The following COL6A1 variants were observed in gnomAD, a reference collection of about 807,000 sequenced individuals.
COL6A1 encodes the protein collagen alpha-1(VI) chain.
COL6A1 carries 80 observed loss-of-function variants against 145.6 expected under a neutral mutation model. The ratio of observed to expected loss-of-function variants is 0.55; its 90% confidence interval spans 0.46 to 0.66. The LOEUF is 0.66. COL6A1 is among the 30% of genes least tolerant of loss of function. The probability of loss-of-function intolerance (pLI) is 0.00; values close to 1 mark genes in which losing one functional copy is unlikely to be tolerated. For synonymous variants in COL6A1, 638 were observed against 622.8 expected (o/e 1.02, Z -0.36); for missense variants, 1,364 against 1,473.8 (o/e 0.93, Z 1.22).
At chr21:45,997,636 C>T in intron 21 of COL6A1, 64 bp from the exon 22 acceptor site, 5 of 1,551,440 alleles carry the variant, frequency 3.2e-6, no homozygotes, top group Non-Finnish European at 3.5e-6. Flanking sequence ...CCCAGGAGGG[C>T]CCTGCTTCCC....
Position 45,990,838 on chromosome 21 carries a change from C to T in COL6A1, c.1056+12C>T, listed in dbSNP as rs987360809. 2.5e-6 allele frequency: 4 copies of T among 1,613,218 alleles called. No individual in the cohort carries two copies. Among genetic ancestry groups the T allele is most frequent in the Middle Eastern group, 1.7e-4 (1 of 5,812 alleles). On this transcript the variant is annotated intron_variant, in intron 14 of 34. Coordinates refer to ENST00000361866, the MANE Select transcript of COL6A1 (RefSeq NM_001848.3). Reference sequence around the variant, plus strand: ...CGCCCGGGTTTGACGTAAGTCACTTCCTCTCACTGATACTTTAAAACTAGC... The same window carrying T: ...CGCCCGGGTTTGACGTAAGTCACTTTCTCTCACTGATACTTTAAAACTAGC...
rs372483312 is a variant in COL6A1, at chr21:45,992,231, C to T, written c.1236+14C>T. ...GCGGGCGACGAGGTGAGTGAGGGCT[C>T]CTGACACCTTCCTGGGGAAGTGCAT... On this transcript the variant is annotated intron_variant, in intron 17 of 34. Transcript: ENST00000361866. 8.6e-5 allele frequency: 139 copies of T among 1,613,496 alleles called. No individual in the cohort carries two copies. The highest frequency in any genetic ancestry group is 1.1e-4 in the Non-Finnish European group (130 of 1,179,982).
In COL6A1 at chr21:45,983,801, G is replaced by A. The variant is rs542769561; in HGVS notation, c.228-468G>A. On this transcript the variant is annotated intron_variant, in intron 2 of 34. Transcript: ENST00000361866. ...AATGGGGCGGAGTCATCCCCATGTCGCTGCCACTGGATTCCTGCAGGCGCC... is the reference window on the plus strand; with the variant it reads ...AATGGGGCGGAGTCATCCCCATGTCACTGCCACTGGATTCCTGCAGGCGCC... Among the ~76,000 whole-genome samples, 1,433 of 145,612 alleles carry A rather than the reference G, an allele frequency of 9.8e-3. 13 individuals are homozygous for A. Among genetic ancestry groups the A allele is most frequent in the Non-Finnish European group, 0.015 (1,015 of 67,142 alleles).
Position 46,003,168 on chromosome 21 carries a change from G to A in COL6A1, c.2464+19G>A, listed in dbSNP as rs200297915. 1.3e-4 allele frequency: 202 copies of A among 1,613,856 alleles called. 1 individual carries two copies. The highest frequency in any genetic ancestry group is 1.1e-4 in the Non-Finnish European group (128 of 1,179,958). ...TGCCCCAGTGAGTACCTCGGCGGCC[G>A]GGACACGTGGGGAGGAGGGCACCGT... On this transcript the variant is annotated intron_variant, in intron 34 of 34. Coordinates refer to ENST00000361866, the MANE Select transcript of COL6A1 (RefSeq NM_001848.3).
In COL6A1 at chr21:46,002,061, A is replaced by C. The variant is rs763093155; in HGVS notation, c.2057A>C (p.Glu686Ala). Residue 686 changes from glutamate to alanine, a missense_variant, in exon 31 of 35, where the codon GAG becomes GCG. Transcript: ENST00000361866. Reference sequence around the variant, plus strand: ...AGCCCCAGCATCCGGAACGTGCAGGAGCTCAAGGAGTGAGTGCCCCACGCG... The same window carrying C: ...AGCCCCAGCATCCGGAACGTGCAGGCGCTCAAGGAGTGAGTGCCCCACGCG... ...LRSPSIRNVQ[E>A]LKEAIKSLQW... 6.2e-7 allele frequency: 1 copy of C among 1,611,258 alleles called. No individual in the cohort carries two copies. Among genetic ancestry groups the C allele is most frequent in the Non-Finnish European group, 8.5e-7 (1 of 1,179,500 alleles).
At position 46,003,876 on chromosome 21, in the gene COL6A1, C is replaced by T. The variant is rs568039462; in HGVS notation, c.2950C>T (p.Arg984Cys). The T allele has an allele frequency of 5.9e-5, 95 of 1,601,132 alleles. No homozygotes were observed. Among genetic ancestry groups the T allele is most frequent in the Middle Eastern group, 1.7e-4 (1 of 6,012 alleles). The stretch of plus-strand genomic sequence containing the variant: ...CCGCCAGGTGAATGAGCCCCACATC[C>T]GCGTCCTGGTCACCGGCAAGACGGC... ...VGRQVNEPHIRVLVTGKTAEY... is the reference protein window; with the variant it reads ...VGRQVNEPHICVLVTGKTAEY... The change falls in exon 35 of 35, where the codon CGC becomes TGC. Residue 984 changes from arginine to cysteine, a missense_variant. Physicochemically the swap from Arg to Cys is radical, Grantham distance 180. This residue lies in a region of COL6A1 where 938 missense variants were observed against 1,003.8 expected (regional missense o/e 0.93). Transcript: ENST00000361866.
chr21:46,000,315 G>A lies in COL6A1; in HGVS notation c.1777-16G>A, dbSNP rs199838622. 6.1e-5 allele frequency: 98 copies of A among 1,613,872 alleles called. No individual in the cohort carries two copies. The highest frequency in any genetic ancestry group is 9.9e-5 in the South Asian group (9 of 91,080). The stretch of plus-strand genomic sequence containing the variant: ...GGCTGTCTATGGCCCCAGTACCCTC[G>A]TCTCTCCCTCCCCAGGAATGCGAGA... On this transcript the variant is annotated splice_polypyrimidine_tract_variant and intron_variant, in intron 27 of 34. Coordinates refer to ENST00000361866, the MANE Select transcript of COL6A1 (RefSeq NM_001848.3).
chr21:45,984,310 C>A lies in COL6A1; in HGVS notation c.269C>A (p.Ala90Glu). 1 of 1,611,596 alleles carries A rather than the reference C, an allele frequency of 6.2e-7. No individual in the cohort carries two copies. Among genetic ancestry groups the A allele is most frequent in the Non-Finnish European group, 8.5e-7 (1 of 1,179,478 alleles). The change falls in exon 3 of 35, where the codon GCG (alanine) becomes GAG (glutamate). Residue 90 changes from alanine (A) to glutamate (E), a missense_variant. Around this residue, in one of 3 missense-constraint regions of COL6A1, gnomAD observed 414 missense variants for 437.6 expected, o/e 0.95. Transcript: ENST00000361866. ...CDRNLVWNAGALHYSDEVEII... is the reference protein window; with the variant it reads ...CDRNLVWNAGELHYSDEVEII... ...CGAAACCTGGTGTGGAACGCAGGCG[C>A]GCTGCACTACAGTGACGAGGTGGAG...
rs748153811 is a variant in COL6A1, at chr21:45,987,510, C to T, written c.750C>T (p.Phe250=). 1.8e-5 allele frequency: 29 copies of T among 1,613,048 alleles called. No individual in the cohort carries two copies. The highest frequency in any genetic ancestry group is 1.7e-4 in the Middle Eastern group (1 of 6,060). Residue 250 remains phenylalanine, a synonymous_variant, in exon 7 of 35, where the codon TTC becomes TTT. Coordinates refer to ENST00000361866, the MANE Select transcript of COL6A1 (RefSeq NM_001848.3). ...KNNVEQVCCS[F]ECQPARGPPG... ...CTTTCCCCCCACAGTGCTGCTCCTT[C>T]GAATGCCAGGTGAGTGTGCCCCCCG...
rs374463348 is a variant in COL6A1 at position 46,000,607 on chromosome 21, C to T, written c.1814-152C>T. 6.8e-4 allele frequency: 894 copies of T among 1,308,186 alleles called. 8 individuals are homozygous for T. In the East Asian group the frequency reaches 0.02, roughly 29 times the overall value. The allele number at this position is 1,308,186 out of a possible 1,614,324, so 81.0% of individuals were successfully genotyped here. ...CACGTGGGGAGGGCGGCCGGGGAGG[C>T]GGGGAGGCGGGGCAGGAGGCCGGGG... On this transcript the variant is annotated intron_variant, in intron 28 of 34. Transcript: ENST00000361866.
At chr21:45,991,737 G>C (rs927551445) in intron 15 of COL6A1, among the ~76,000 whole-genome samples, 1 of 152,230 alleles carries the variant, frequency 6.6e-6, no homozygotes, top group Non-Finnish European at 1.5e-5. Flanking sequence ...TGCCAGCCTG[G>C]CAAAGCTGTG....
In COL6A1 at chr21:45,984,326, C is replaced by G. The variant is rs145811554; in HGVS notation, c.285C>G (p.Asp95Glu). ...ACGCAGGCGCGCTGCACTACAGTGACGAGGTGGAGATCATCCAAGGCCTCA... is the reference window on the plus strand; with the variant it reads ...ACGCAGGCGCGCTGCACTACAGTGAGGAGGTGGAGATCATCCAAGGCCTCA... ...VWNAGALHYS[D>E]EVEIIQGLTR... The change falls in exon 3 of 35, where the codon GAC becomes GAG. Residue 95 changes from aspartate to glutamate, a missense_variant. This residue lies in a region of COL6A1 where 414 missense variants were observed against 437.6 expected (regional missense o/e 0.95). Coordinates refer to ENST00000361866, the MANE Select transcript of COL6A1 (RefSeq NM_001848.3). 1.9e-5 allele frequency: 30 copies of G among 1,612,078 alleles called. No individual in the cohort carries two copies. The highest frequency in any genetic ancestry group is 1.8e-4 in the Admixed American group (11 of 59,938).
chr21:45,998,259 G>C, intron 23 of COL6A1, 88 bp downstream of exon 23: 1 of 1,581,750 alleles, frequency 6.3e-7, no homozygotes, highest in Non-Finnish European at 8.6e-7. Flanking sequence ...TGGGTGGGCG[G>C]GCTGGCCCCA....
intron 19 of COL6A1, among the ~76,000 whole-genome samples, chr21:45,993,127 C>A (rs902679827): frequency 6.6e-6 from 1 of 152,242 alleles, no homozygotes; most frequent in Non-Finnish European, 1.5e-5. Flanking sequence ...AAATTCCCAG[C>A]GTGAGGAAGT....
chr21:45,987,329 T>C (rs1569517921), intron 6 of COL6A1, 154 bp downstream of exon 6: 24 of 1,462,768 alleles, frequency 1.6e-5, no homozygotes, highest in Non-Finnish European at 2.1e-5. Flanking sequence ...GGGATGTGTG[T>C]CCCCCTGCGT....
chr21:45,998,327 C>A, intron 23 of COL6A1, 71 bp from the exon 24 acceptor site: 1 of 1,599,276 alleles, frequency 6.3e-7, no homozygotes. Context: ...CAGGCCCTTC[C>A]GCTGTGCGCC....
rs1464689650 is a variant in COL6A1 at position 45,992,352 on chromosome 21, C to G, written c.1237-11C>G. On this transcript the variant is annotated splice_polypyrimidine_tract_variant and intron_variant, in intron 17 of 34. Coordinates refer to ENST00000361866, the MANE Select transcript of COL6A1 (RefSeq NM_001848.3). ...CAGACTAACGCCGGCGTCTGTTTCT[C>G]TTCATCCCAGGGGAACCCAGGACCT... 1.9e-6 allele frequency: 3 copies of G among 1,613,666 alleles called. No individual in the cohort carries two copies. The Admixed American group carries it at 5.0e-5, about 27-fold the overall frequency.
At chr21:45,983,963 G>T (rs2077723054) in intron 2 of COL6A1, among the ~76,000 whole-genome samples, 1 of 152,198 alleles carries the variant, frequency 6.6e-6, no homozygotes, top group East Asian at 1.9e-4. Flanking sequence ...GATCCCCGGG[G>T]TGCCTCCTTC....
chr21:45,985,926 G>A (rs149085625), intron 3 of COL6A1, among the ~76,000 whole-genome samples: 6 of 152,300 alleles, frequency 3.9e-5, no homozygotes, highest in Non-Finnish European at 5.9e-5. Flanking sequence ...GTCAGAGTGC[G>A]GCCCCCTGTG....
Sources: allele counts gnomAD v4.1 joint callset (sites outside exome capture counted in the v4.1 genomes callset), GRCh38; gene constraint gnomAD v4.1.1; regional missense constraint gnomAD v4.1.1; transcripts MANE v1.5; gene names NCBI Gene and HGNC (gene_info 2026-07-23, HGNC 2026-07-21).